The following ZBTB21 variants were observed in gnomAD, a reference collection of about 807,000 sequenced individuals.
ZBTB21 encodes zinc finger and BTB domain-containing protein 21.
ZBTB21 carries 10 observed loss-of-function variants against 39.8 expected under a neutral mutation model. The observed-to-expected ratio is 0.25, with a 90% confidence interval of 0.16 to 0.43. The LOEUF is 0.43. ZBTB21 is among the 20% of genes least tolerant of loss of function. The pLI is 1.00. For missense variants in ZBTB21, 1,221 were observed against 1,296.3 expected, an observed-to-expected ratio of 0.94 and a Z score of 0.89; for synonymous variants, 551 against 498.8, an observed-to-expected ratio of 1.10 and a Z score of -1.40.
At chr21:42,008,135 T>G (rs970988926) in intron 1 of ZBTB21, 4 of 152,182 alleles carry the variant, frequency 2.6e-5, no homozygotes, top group Non-Finnish European at 5.9e-5. Context: ...AGCCTATCAC[T>G]GTGACCTGGT....
intron 1 of ZBTB21, among the ~76,000 whole-genome samples, chr21:42,004,526 G>C (rs924873981): frequency 1.3e-5 from 2 of 152,116 alleles, no homozygotes; most frequent in African/African-American, 4.8e-5. Flanking sequence ...GAGATGGAAA[G>C]GGATCAAAAT....
intron 1 of ZBTB21, 115 bp downstream of exon 1, chr21:42,010,134 AAAG>A: frequency 2.6e-6 from 1 of 389,212 alleles, no homozygotes; most frequent in African/African-American, 2.1e-5. Context: ...GGTGGAGAAA[AAAG>A]AGGAGAGAAA....
intron 1 of ZBTB21, among the ~76,000 whole-genome samples, chr21:42,008,540 CA>C (rs68176203): frequency 0.32 from 19,286 of 60,558 alleles, 852 homozygotes; most frequent in South Asian, 0.37. Context: ...GAAACTCTGT[CA>C]AAAAAAAAAA....
intron 1 of ZBTB21, chr21:42,009,355 G>T (rs764052996): frequency 6.6e-6 from 1 of 152,292 alleles, no homozygotes; most frequent in Non-Finnish European, 1.5e-5. Context: ...GCTGAGGATG[G>T]ACTACGGGGC....
At position 41,992,562 on chromosome 21, in the gene ZBTB21, C is replaced by G. The variant is rs1349462862; in HGVS notation, c.1534G>C (p.Glu512Gln). 6.2e-7 allele frequency: 1 copy of G among 1,614,186 alleles called. No individual in the cohort carries two copies. The highest frequency in any genetic ancestry group is 2.2e-5 in the East Asian group (1 of 44,890). The change falls in exon 3 of 3, where the codon GAG becomes CAG. Residue 512 changes from glutamate to glutamine, a missense_variant. Physicochemically the swap from Glu to Gln is conservative, Grantham distance 29. Coordinates refer to ENST00000310826, the MANE Select transcript of ZBTB21 (RefSeq NM_001098402.2). The surrounding 1 kb of genome is among the most constrained non-coding windows in gnomAD (Gnocchi z 4.1). ...HGSPVSEDNF[E>Q]EGSSPTLLDA... ...AGGAGAGTAGGGCTTGAGCCTTCCTCAAAATTATCTTCTGACACAGGAGAC... is the reference window on the plus strand; with the variant it reads ...AGGAGAGTAGGGCTTGAGCCTTCCTGAAAATTATCTTCTGACACAGGAGAC...
At position 41,992,141 on chromosome 21, in the gene ZBTB21, G is replaced by T; in HGVS notation, c.1955C>A (p.Ser652Tyr). The stretch of plus-strand genomic sequence containing the variant: ...CCTCTTGATGACTTGCTGTGCTTGG[G>T]AGCTACTCTGTCCCTGAAAACCAGG... ...GKPGFQGQSS[S>Y]QAQQVIKRNL... The change falls in exon 3 of 3, where the codon TCC becomes TAC. Residue 652 changes from serine (S) to tyrosine (Y), a missense_variant. Physicochemically the swap from Ser to Tyr is moderately radical, Grantham distance 144. Around this residue, in one of 4 missense-constraint regions of ZBTB21, gnomAD observed 523 missense variants for 542.5 expected, o/e 0.96. Transcript: ENST00000310826. This position sits in a 1 kb window ranked among gnomAD's most constrained non-coding sequence, Gnocchi z 4.1. 1 of 1,614,190 alleles carries T rather than the reference G, an allele frequency of 6.2e-7. No homozygotes were observed.
Position 41,991,340 on chromosome 21 carries a change from G to A in ZBTB21, c.2756C>T (p.Thr919Met), listed in dbSNP as rs368359632. 5.6e-5 allele frequency: 90 copies of A among 1,606,868 alleles called. No homozygotes were observed. In the African/African-American group the frequency reaches 8.3e-4, roughly 15 times the overall value. Residue 919 changes from threonine to methionine, a missense_variant, in exon 3 of 3, where the codon ACG becomes ATG. Around this residue, in one of 4 missense-constraint regions of ZBTB21, gnomAD observed 523 missense variants for 542.5 expected, o/e 0.96. Transcript: ENST00000310826. The surrounding 1 kb of genome is among the most constrained non-coding windows in gnomAD (Gnocchi z 4.9). ...WPCEKCGKMFTVHKQLERHQE... is the reference protein window; with the variant it reads ...WPCEKCGKMFMVHKQLERHQE... ...GTGACGCTCCAGCTGCTTATGCACC[G>A]TGAACATCTTCCCACACTTCTCGCA...
chr21:42,008,090 T>C (rs751725469), intron 1 of ZBTB21: 53 of 152,266 alleles, frequency 3.5e-4, no homozygotes, highest in Non-Finnish European at 6.5e-4. Flanking sequence ...CTTTGGTGTG[T>C]TGCCAGACCC....
chr21:41,994,187 C>T (rs2065715356), intron 2 of ZBTB21, 79 bp from the exon 3 acceptor site: 4 of 1,314,132 alleles, frequency 3.0e-6, no homozygotes, highest in Non-Finnish European at 4.2e-6. Context: ...GGAACATCAG[C>T]TGTCTTTGCA....
Position 41,993,837 on chromosome 21 carries a change from T to G in ZBTB21, c.259A>C (p.Ile87Leu), listed in dbSNP as rs1223831924. Residue 87 changes from isoleucine to leucine, a missense_variant, in exon 3 of 3, where the codon ATT becomes CTT. Physicochemically the swap from Ile to Leu is conservative, Grantham distance 5. Coordinates refer to ENST00000310826, the MANE Select transcript of ZBTB21 (RefSeq NM_001098402.2). ...PDAFDNVLNYIYSSSLFVEKS... is the reference protein window; with the variant it reads ...PDAFDNVLNYLYSSSLFVEKS... ...TCAACAAATAGAGAGGAAGAATAAA[T>G]GTAGTTTAAAACATTATCAAAAGCA... is the stretch of plus-strand genomic sequence containing the variant. 6.2e-7 allele frequency: 1 copy of G among 1,614,202 alleles called. No homozygotes were observed. Among genetic ancestry groups the G allele is most frequent in the East Asian group, 2.2e-5 (1 of 44,890 alleles).
chr21:42,007,083 T>G (rs1474089152), intron 1 of ZBTB21, among the ~76,000 whole-genome samples: 2 of 152,394 alleles, frequency 1.3e-5, no homozygotes, highest in African/African-American at 2.4e-5. Context: ...TACCTCAACT[T>G]CAGCACCATT....
chr21:42,004,658 C>A (rs2065857609), intron 1 of ZBTB21, among the ~76,000 whole-genome samples: 1 of 152,180 alleles, frequency 6.6e-6, no homozygotes, highest in African/African-American at 2.4e-5. Context: ...CATCCAGCAT[C>A]AACCTAGATT....
At chr21:42,001,782 T>G (rs2065820381) in intron 2 of ZBTB21, among the ~76,000 whole-genome samples, 1 of 152,188 alleles carries the variant, frequency 6.6e-6, no homozygotes, top group African/African-American at 2.4e-5. Context: ...AATATTGACA[T>G]CAACCCTAGG....
rs148243524 is a variant in ZBTB21, at chr21:41,993,940, G to A, written c.156C>T (p.Ser52=). The A allele has an allele frequency of 2.5e-5, 41 of 1,614,102 alleles. No individual in the cohort carries two copies. Among genetic ancestry groups the A allele is most frequent in the Middle Eastern group, 3.3e-4 (2 of 6,084 alleles). The change falls in exon 3 of 3, where the codon AGC becomes AGT. Residue 52 remains serine (S), a synonymous_variant. Coordinates refer to ENST00000310826, the MANE Select transcript of ZBTB21 (RefSeq NM_001098402.2). The part of the protein sequence containing the change: ...RAHKNVLAAS[S]EYFQSLFTNK... ...TTGTGAATAAACTCTGAAAGTATTCGCTGCTGGCAGCCAAGACGTTTTTAT... is the reference window on the plus strand; with the variant it reads ...TTGTGAATAAACTCTGAAAGTATTCACTGCTGGCAGCCAAGACGTTTTTAT...
At chr21:42,007,359 T>G (rs1440956205) in intron 1 of ZBTB21, among the ~76,000 whole-genome samples, 1 of 152,220 alleles carries the variant, frequency 6.6e-6, no homozygotes, top group Non-Finnish European at 1.5e-5. Context: ...GATTTTTCTA[T>G]TCCTAAAGAA....
At chr21:41,995,870 A>G (rs1359288324) in intron 2 of ZBTB21, among the ~76,000 whole-genome samples, 1 of 152,262 alleles carries the variant, frequency 6.6e-6, no homozygotes, top group African/African-American at 2.4e-5. Flanking sequence ...GGGCCAAGGT[A>G]CAGCTTGGGC....
chr21:42,006,830 G>C (rs2065884721), intron 1 of ZBTB21, among the ~76,000 whole-genome samples: 1 of 152,204 alleles, frequency 6.6e-6, no homozygotes. Context: ...TCTTACAGGA[G>C]AGGAAGATTA....
chr21:41,996,190 C>T lies in ZBTB21; in HGVS notation c.-13-2082G>A, dbSNP rs566994043. Among the ~76,000 whole-genome samples the T allele has an allele frequency of 1.0e-3, 157 of 152,338 alleles. 1 individual carries two copies. Among genetic ancestry groups the T allele is most frequent in the Non-Finnish European group, 2.0e-3 (139 of 68,018 alleles). ...GAGAAGAGGGCTACCATCTTCCAGACTCCAGAATGGTAGATACGTCGACAG... is the reference window on the plus strand; with the variant it reads ...GAGAAGAGGGCTACCATCTTCCAGATTCCAGAATGGTAGATACGTCGACAG... On this transcript the variant is annotated intron_variant, in intron 2 of 2. Coordinates refer to ENST00000310826, the MANE Select transcript of ZBTB21 (RefSeq NM_001098402.2).
At chr21:42,003,526 A>C (rs2065842071) in intron 1 of ZBTB21, among the ~76,000 whole-genome samples, 1 of 152,162 alleles carries the variant, frequency 6.6e-6, no homozygotes, top group South Asian at 2.1e-4. Flanking sequence ...AGTCCTAAGG[A>C]AGGCTTGGGA....
Sources: gnomAD v4.1 joint callset for allele counts (sites outside exome capture counted in the v4.1 genomes callset) on GRCh38, gnomAD v4.1.1 for gene constraint, gnomAD v4.1.1 regional missense constraint, Gnocchi (gnomAD v3.1) non-coding constraint, MANE v1.5 for transcripts, NCBI Gene and HGNC (gene_info 2026-07-23, HGNC 2026-07-21) for gene names.